The following GBE1 variants were observed in gnomAD, a reference collection of about 807,000 sequenced individuals.
The protein encoded by GBE1 is 1,4-alpha-glucan-branching enzyme.
A neutral mutation model predicts 88.8 loss-of-function variants in GBE1; 70 were observed. The observed-to-expected ratio is 0.79, with a 90% CI of 0.65 to 0.96. The LOEUF (loss-of-function observed/expected upper bound fraction) is 0.96, where lower values mean the gene tolerates loss of function less well. GBE1 is among the 40% of genes least tolerant of loss of function. The pLI, the probability that GBE1 is intolerant of heterozygous loss-of-function variation, is 0.00. For missense variants in GBE1, 872 were observed against 871.0 expected, an observed-to-expected ratio of 1.00 and a Z score of -0.01; for synonymous variants, 284 against 300.1, an observed-to-expected ratio of 0.95 and a Z score of 0.56.
chr3:81,698,050 T>A lies in GBE1; in HGVS notation c.313+7394A>T, dbSNP rs530347589. ...ATATAATTTTATATATATATTAGTT[T>A]TATATATATATATGTGTATATATAT... is the stretch of plus-strand genomic sequence containing the variant. On this transcript the variant is annotated intron_variant, in intron 2 of 15. Transcript: ENST00000429644. Among the ~76,000 whole-genome samples, 118 of 146,836 alleles carry A rather than the reference T, an allele frequency of 8.0e-4. 3 individuals carry two copies. The South Asian group carries it at 0.022, about 28-fold the overall frequency.
intron 15 of GBE1, among the ~76,000 whole-genome samples, chr3:81,497,143 C>A (rs1702511059): frequency 6.6e-6 from 1 of 152,184 alleles, no homozygotes; most frequent in African/African-American, 2.4e-5. Flanking sequence ...GATGTTGCTG[C>A]CACTTGTTGG....
chr3:81,761,389 C>A lies in GBE1; in HGVS notation c.129G>T (p.Val43=). The A allele has an allele frequency of 6.2e-7, 1 of 1,609,482 alleles. No individual in the cohort carries two copies. The highest frequency in any genetic ancestry group is 1.3e-5 in the African/African-American group (1 of 74,588). The change falls in exon 1 of 16, where the codon GTG becomes GTT. Residue 43 remains valine (V), a synonymous_variant. Transcript: ENST00000429644. The stretch of plus-strand genomic sequence containing the variant: ...TCCGGCGGTACCTGCGCTGGAAGTC[C>A]ACGGCGTAGGGCTTCAAGTACGGGT... ...EIDPYLKPYA[V]DFQRRYKQFS... is the part of the protein sequence containing the mutation.
chr3:81,518,724 T>A (rs927337631), intron 14 of GBE1, among the ~76,000 whole-genome samples: 1 of 151,486 alleles, frequency 6.6e-6, no homozygotes, highest in Admixed American at 6.6e-5. Context: ...GCAATGAGCA[T>A]GCATCCATTA....
At chr3:81,574,968 T>A (rs1190711834) in intron 12 of GBE1, among the ~76,000 whole-genome samples, 1 of 152,026 alleles carries the variant, frequency 6.6e-6, no homozygotes, top group Non-Finnish European at 1.5e-5. Context: ...ATCGAGATCA[T>A]CCTGTCTAAC....
rs369262809 is a variant in GBE1, at chr3:81,591,034, T to C, written c.1236+3A>G. The stretch of plus-strand genomic sequence containing the variant: ...AGAAGGTAAGACTTCACTATGGCTT[T>C]ACCTCAGCTATTGTTATAGAATCGG... On this transcript the variant is annotated splice_donor_region_variant and intron_variant, in intron 9 of 15. Transcript: ENST00000429644. 1.9e-6 allele frequency: 3 copies of C among 1,606,956 alleles called. No homozygotes were observed. The highest frequency in any genetic ancestry group is 2.7e-5 in the African/African-American group (2 of 74,794).
At chr3:81,759,740 T>C (rs945042919) in intron 1 of GBE1, among the ~76,000 whole-genome samples, 2 of 152,184 alleles carry the variant, frequency 1.3e-5, no homozygotes, top group Admixed American at 1.3e-4. Flanking sequence ...TCATTAGTTT[T>C]GGCAAACCAT....
intron 7 of GBE1, among the ~76,000 whole-genome samples, chr3:81,634,557 T>C (rs1704565402): frequency 6.6e-6 from 1 of 152,088 alleles, no homozygotes; most frequent in Non-Finnish European, 1.5e-5. Flanking sequence ...CTTTGCAGTG[T>C]TGCCGCCATG....
intron 14 of GBE1, chr3:81,509,642 T>A (rs909864553): frequency 1.3e-5 from 2 of 152,028 alleles, no homozygotes; most frequent in Middle Eastern, 6.8e-3. Flanking sequence ...CTTTTCATTA[T>A]TTTCCTTTGC....
intron 14 of GBE1, among the ~76,000 whole-genome samples, chr3:81,522,622 T>C (rs1286384015): frequency 6.6e-6 from 1 of 151,606 alleles, no homozygotes; most frequent in Non-Finnish European, 1.5e-5. Flanking sequence ...ACATCTTCAA[T>C]ACTTTGTGAG....
At chr3:81,605,473 T>C (rs1256505531) in intron 7 of GBE1, among the ~76,000 whole-genome samples, 3 of 152,172 alleles carry the variant, frequency 2.0e-5, no homozygotes, top group East Asian at 3.9e-4. Flanking sequence ...CCTCTAAAGA[T>C]ACATGGAAAC....
At chr3:81,680,494 CAAAAA>C (rs10711455) in intron 2 of GBE1, among the ~76,000 whole-genome samples, 2 of 94,710 alleles carry the variant, frequency 2.1e-5, no homozygotes. Flanking sequence ...GACTCCGTCT[CAAAAA>C]AAAAAAAAAA....
chr3:81,749,530 A>C (rs1706466445), intron 1 of GBE1, among the ~76,000 whole-genome samples: 1 of 152,236 alleles, frequency 6.6e-6, no homozygotes, highest in Admixed American at 6.5e-5. Context: ...TAACAGTTCT[A>C]TATCTTCATT....
At chr3:81,601,692 T>G (rs751334443) in intron 7 of GBE1, among the ~76,000 whole-genome samples, 2 of 152,190 alleles carry the variant, frequency 1.3e-5, no homozygotes, top group Non-Finnish European at 2.9e-5. Context: ...ATAAATTACA[T>G]TTATGGCTGT....
intron 7 of GBE1, among the ~76,000 whole-genome samples, chr3:81,605,976 G>A (rs560138490): frequency 6.6e-6 from 1 of 152,234 alleles, no homozygotes; most frequent in Admixed American, 6.5e-5. Flanking sequence ...ATGAATTCAG[G>A]TCTCTTATTG....
At chr3:81,756,043 A>G (rs1706597245) in intron 1 of GBE1, among the ~76,000 whole-genome samples, 1 of 152,114 alleles carries the variant, frequency 6.6e-6, no homozygotes, top group Admixed American at 6.6e-5. Context: ...AACCAAGTAG[A>G]GCTCTTCACT....
At chr3:81,648,733 A>T (rs1704803212) in intron 5 of GBE1, 123 bp downstream of exon 5, 1 of 509,968 alleles carries the variant, frequency 2.0e-6, no homozygotes, top group Admixed American at 4.1e-5. Flanking sequence ...CCTAAAATAA[A>T]ATGCCTTTCT....
chr3:81,549,282 C>A (rs1703244828), intron 12 of GBE1, among the ~76,000 whole-genome samples: 1 of 151,314 alleles, frequency 6.6e-6, no homozygotes, highest in East Asian at 1.9e-4. Flanking sequence ...CCCTCCTCAG[C>A]CTCCCAAAGT....
chr3:81,535,240 C>T lies in GBE1; in HGVS notation c.1889G>A (p.Ser630Asn), dbSNP rs1194905065. Residue 630 changes from serine to asparagine, a missense_variant, in exon 14 of 16, where the codon AGC becomes AAC. Ser to Asn is a conservative substitution (Grantham distance 46). Transcript: ENST00000429644. ...AACTCGGTAGTCAGTGTAGCTCTTG[C>T]TTGGATGGAAGTTGAAAATGAAAAG... is the stretch of plus-strand genomic sequence containing the variant. ...GLLFIFNFHP[S>N]KSYTDYRVGT... 6.2e-7 allele frequency: 1 copy of T among 1,611,000 alleles called. No homozygotes were observed. The highest frequency in any genetic ancestry group is 1.3e-5 in the African/African-American group (1 of 74,624).
At chr3:81,571,743 T>C (rs914303320) in intron 12 of GBE1, among the ~76,000 whole-genome samples, 1 of 152,162 alleles carries the variant, frequency 6.6e-6, no homozygotes. Flanking sequence ...CTAAAAGTGA[T>C]TCAGGTCACT....
Sources: gnomAD v4.1 joint callset for allele counts (sites outside exome capture counted in the v4.1 genomes callset) on GRCh38, gnomAD v4.1.1 for gene constraint, MANE v1.5 for transcripts, NCBI Gene and HGNC (gene_info 2026-07-23, HGNC 2026-07-21) for gene names.